Variants in ZNF91 observed in about 807,000 individuals in gnomAD.
The protein encoded by ZNF91 is zinc finger protein 91.
ZNF91 carries 7 observed loss-of-function variants against 12.6 expected under a neutral mutation model. The observed-to-expected ratio is 0.55, with a 90% CI of 0.31 to 1.04. The LOEUF (loss-of-function observed/expected upper bound fraction) is 1.04. ZNF91 is among the 50% of genes least tolerant of loss of function. ZNF91 has a pLI of 0.05. For synonymous variants in ZNF91, 453 were observed against 462.6 expected (o/e 0.98, Z 0.27); for missense variants, 1,217 against 1,385.4 (o/e 0.88, Z 1.93).
At chr19:23,331,286 ATTAAG>A (rs561258524) in intron 1 of ZNF91, among the ~76,000 whole-genome samples, 88 of 115,012 alleles carry the variant, frequency 7.7e-4, no homozygotes, top group African/African-American at 3.1e-3. Flanking sequence ...GAGGAAATTA[ATTAAG>A]TTAATAAAGA....
chr19:23,388,231 G>C (rs10422622), intron 1 of ZNF91, among the ~76,000 whole-genome samples: 2,435 of 152,108 alleles, frequency 0.016, 60 homozygotes, highest in African/African-American at 0.055. Context: ...GGGCAACAGA[G>C]TGAGACCCTG....
At chr19:23,334,843 C>A (rs564739024), downstream of ZNF91, among the ~76,000 whole-genome samples, 9 of 152,136 alleles carry the variant, frequency 5.9e-5, no homozygotes, top group Middle Eastern at 3.4e-3. Flanking sequence ...AAGCAGAAGA[C>A]CTTACTAGGT....
At chr19:23,310,646 C>G (rs1489731306), upstream of ZNF91, 9 of 152,190 alleles carry the variant, frequency 5.9e-5, no homozygotes, top group African/African-American at 2.2e-4. Context: ...TTTGACTCTC[C>G]TTATGTGGGC....
At chr19:23,383,046 C>A (rs1969771666) in intron 1 of ZNF91, among the ~76,000 whole-genome samples, 1 of 152,096 alleles carries the variant, frequency 6.6e-6, no homozygotes, top group African/African-American at 2.4e-5. Flanking sequence ...ATAAAACAAA[C>A]CAATAAAATT....
exon 4 of ZNF91, chr19:23,338,957 C>G (rs1968068759): frequency 6.6e-6 from 1 of 150,574 alleles, no homozygotes; most frequent in South Asian, 2.1e-4. Flanking sequence ...GAGGCTGAGA[C>G]AGGAGAATCA....
At chr19:23,311,998 A>G (rs1967479841), upstream of ZNF91, among the ~76,000 whole-genome samples, 2 of 151,946 alleles carry the variant, frequency 1.3e-5, no homozygotes, top group East Asian at 1.9e-4. Context: ...ACTTTGTGAC[A>G]TATCGTTAGG....
intron 1 of ZNF91, chr19:23,324,712 G>A (rs1223464376): frequency 6.6e-6 from 1 of 152,002 alleles, no homozygotes; most frequent in African/African-American, 2.4e-5. Context: ...CGAGTAGCTG[G>A]GACTACAGGC....
chr19:23,359,238 T>G lies in ZNF91; in HGVS notation c.*165A>C. 2.1e-6 allele frequency: 1 copy of G among 467,486 alleles called. No homozygotes were observed. The highest frequency in any genetic ancestry group is 3.4e-5 in the Admixed American group (1 of 29,172). The allele number at this position is 467,486 out of a possible 1,614,324, so 29.0% of individuals were successfully genotyped here. On this transcript the variant is annotated 3_prime_UTR_variant, in exon 4 of 4. Transcript: ENST00000300619. ...TAGTATGAATTTTCTTTTTTTTTTT[T>G]TTGAGACGGAGTCTCGCTCTGTCGC...
rs71163490 is a variant in ZNF91, at chr19:23,359,226, CT to C, written c.*176del. 0.29 allele frequency: 99,462 copies of C among 345,732 alleles called. 6,394 individuals are homozygous for C. Among genetic ancestry groups the C allele is most frequent in the African/African-American group, 0.38 (17,059 of 44,532 alleles). The allele number at this position is 345,732 out of a possible 1,614,324, so 21.4% of individuals were successfully genotyped here. ...AGGGTTTCTCTCTAGTATGAATTTTCTTTTTTTTTTTTTTGAGACGGAGTCT... is the reference window on the plus strand; with the variant it reads ...AGGGTTTCTCTCTAGTATGAATTTTCTTTTTTTTTTTTTGAGACGGAGTCT... On this transcript the variant is annotated 3_prime_UTR_variant, in exon 4 of 4. Coordinates refer to ENST00000300619, the MANE Select transcript of ZNF91 (RefSeq NM_003430.4).
chr19:23,323,550 TCTTC>T (rs1967759931), intron 1 of ZNF91, among the ~76,000 whole-genome samples: 1 of 150,846 alleles, frequency 6.6e-6, no homozygotes, highest in Non-Finnish European at 1.5e-5. Flanking sequence ...TTTTCTCTCC[TCTTC>T]CTTTTTCCTT....
chr19:23,366,662 C>T (rs916387023), intron 3 of ZNF91, among the ~76,000 whole-genome samples: 2 of 152,184 alleles, frequency 1.3e-5, no homozygotes, highest in African/African-American at 2.4e-5. Context: ...AGATAACAGA[C>T]AGAGCAAGTA....
chr19:23,337,384 A>C (rs1256089844), downstream of ZNF91, among the ~76,000 whole-genome samples: 1 of 151,866 alleles, frequency 6.6e-6, no homozygotes, highest in Non-Finnish European at 1.5e-5. Context: ...GTTTATACTG[A>C]AGAAACTCAT....
At chr19:23,388,535 GC>G (rs752835518) in intron 1 of ZNF91, among the ~76,000 whole-genome samples, 20 of 152,230 alleles carry the variant, frequency 1.3e-4, no homozygotes, top group South Asian at 8.3e-4. Context: ...ACAAGATTAT[GC>G]CCTTTATAGC....
rs761748268 is a variant in ZNF91 at position 23,361,804 on chromosome 19, G to T, written c.1175C>A (p.Thr392Asn). ...ECDKAFKRLS[T>N]LTKHKIIHAG... The stretch of plus-strand genomic sequence containing the variant: ...ATGTATTATTTTATGTTTAGTAAGG[G>T]TTGAGAGTCGCTTAAAAGCTTTGTC... Residue 392 changes from threonine to asparagine, a missense_variant, in exon 4 of 4, where the codon ACC becomes AAC. Coordinates refer to ENST00000300619, the MANE Select transcript of ZNF91 (RefSeq NM_003430.4). 6.2e-7 allele frequency: 1 copy of T among 1,609,146 alleles called. No individual in the cohort carries two copies. The highest frequency in any genetic ancestry group is 1.1e-5 in the South Asian group (1 of 90,906).
chr19:23,310,597 T>G (rs909839442), upstream of ZNF91: 15 of 152,356 alleles, frequency 9.8e-5, no homozygotes, highest in Non-Finnish European at 1.5e-4. Context: ...TGGACCTTCT[T>G]GCACGTGTGA....
At chr19:23,328,583 A>C (rs1451431344) in intron 1 of ZNF91, 1 of 152,204 alleles carries the variant, frequency 6.6e-6, no homozygotes. Context: ...CTGTTGGGCC[A>C]AAAAGTAGTA....
chr19:23,350,787 C>T (rs1968343746), intron 3 of ZNF91, among the ~76,000 whole-genome samples: 1 of 152,084 alleles, frequency 6.6e-6, no homozygotes, highest in Admixed American at 6.6e-5. Flanking sequence ...GGGAGGCTGT[C>T]CGGTACCATG....
intron 1 of ZNF91, chr19:23,380,675 C>G (rs1969682156): frequency 6.6e-6 from 1 of 152,084 alleles, no homozygotes; most frequent in South Asian, 2.1e-4. Context: ...AGAAAATATT[C>G]CTCTAAAAAT....
In ZNF91 at chr19:23,359,226, C is replaced by CTTTT; in HGVS notation, c.*173_*176dup. The CTTTT allele has an allele frequency of 2.9e-5, 10 of 350,170 alleles. No homozygotes were observed. Among genetic ancestry groups the CTTTT allele is most frequent in the South Asian group, 6.1e-5 (2 of 32,572 alleles). The allele number at this position is 350,170 out of a possible 1,614,324, so 21.7% of individuals were successfully genotyped here. On this transcript the variant is annotated 3_prime_UTR_variant, in exon 4 of 4. Coordinates refer to ENST00000300619, the MANE Select transcript of ZNF91 (RefSeq NM_003430.4). Reference sequence around the variant, plus strand: ...AGGGTTTCTCTCTAGTATGAATTTTCTTTTTTTTTTTTTTGAGACGGAGTC... The same window carrying CTTTT: ...AGGGTTTCTCTCTAGTATGAATTTTCTTTTTTTTTTTTTTTTTTGAGACGGAGTC...
Sources: gnomAD v4.1 joint callset for allele counts (sites outside exome capture counted in the v4.1 genomes callset) on GRCh38, gnomAD v4.1.1 for gene constraint, MANE v1.5 for transcripts, NCBI Gene and HGNC (gene_info 2026-07-23, HGNC 2026-07-21) for gene names.